SFXN4: variants seen among roughly 807,000 people sequenced by gnomAD.
SFXN4 encodes the protein sideroflexin-4.
SFXN4 carries 48 observed loss-of-function variants against 54.6 expected under a neutral mutation model. The observed-to-expected ratio is 0.88, with a 90% CI of 0.70 to 1.12. SFXN4 has a LOEUF of 1.12. SFXN4 is among the 50% of genes most tolerant of loss of function. The pLI is 0.00. For synonymous variants in SFXN4, 130 were observed against 145.5 expected (o/e 0.89, Z 0.77); for missense variants, 383 against 409.2 (o/e 0.94, Z 0.55).
chr10:119,156,310 C>T (rs1259914662), intron 10 of SFXN4, among the ~76,000 whole-genome samples: 3 of 152,180 alleles, frequency 2.0e-5, no homozygotes, highest in Non-Finnish European at 2.9e-5. Context: ...CACCTGTAAT[C>T]CCAGCTACTT....
chr10:119,162,274 G>A, intron 3 of SFXN4, 66 bp downstream of exon 3: 2 of 1,302,242 alleles, frequency 1.5e-6, no homozygotes, highest in Non-Finnish European at 2.2e-6. Context: ...AATTCCACCT[G>A]ACTTCAGACC....
chr10:119,141,270 G>A lies in SFXN4; in HGVS notation c.986C>T (p.Thr329Ile). The stretch of plus-strand genomic sequence containing the variant: ...CACCCCTCTGTGATAAAAGATTTCT[G>A]TTTCTTCTGTTGGAGACTGAATTTT... Reference protein sequence around the residue: ...EEKIQSPTEETEIFYHRGV With the variant: ...EEKIQSPTEEIEIFYHRGV The change falls in exon 14 of 14, where the codon ACA becomes ATA. Residue 329 changes from threonine to isoleucine, a missense_variant. Thr to Ile is a moderately conservative substitution (Grantham distance 89, BLOSUM62 -1). Transcript: ENST00000355697. 6.2e-7 allele frequency: 1 copy of A among 1,611,972 alleles called. No homozygotes were observed. The highest frequency in any genetic ancestry group is 8.5e-7 in the Non-Finnish European group (1 of 1,178,232).
In SFXN4 at chr10:119,157,208, C is replaced by G. The variant is rs140477512; in HGVS notation, c.538-452G>C. 6.5e-3 allele frequency among the ~76,000 whole-genome samples: 984 copies of G among 152,242 alleles called. 5 individuals carry two copies. Among genetic ancestry groups the G allele is most frequent in the Admixed American group, 0.011 (164 of 15,276 alleles). On this transcript the variant is annotated intron_variant, in intron 9 of 13. Coordinates refer to ENST00000355697, the MANE Select transcript of SFXN4 (RefSeq NM_213649.2). ...CTTTGGGAGGTCAAGGCGGGCAGTT[C>G]ACCTGAGGTCAGGAGTTTGAGATCA...
chr10:119,165,212 G>GA, intron 1 of SFXN4: 1 of 1,078,576 alleles, frequency 9.3e-7, no homozygotes, highest in Non-Finnish European at 1.1e-6. Flanking sequence ...CAAGGTGCGA[G>GA]AGCCTGTTTC....
intron 11 of SFXN4, among the ~76,000 whole-genome samples, chr10:119,152,912 C>G (rs578091235): frequency 7.2e-4 from 109 of 152,274 alleles, no homozygotes; most frequent in African/African-American, 2.3e-3. Context: ...CCCTTCACTT[C>G]ATATCAGGGC....
chr10:119,162,978 T>A (rs1847619037), intron 2 of SFXN4, among the ~76,000 whole-genome samples: 1 of 152,110 alleles, frequency 6.6e-6, no homozygotes, highest in Non-Finnish European at 1.5e-5. Context: ...TATTTTTATT[T>A]GTACAGATAG....
chr10:119,161,996 G>T (rs1022894816), intron 3 of SFXN4: 3 of 347,086 alleles, frequency 8.6e-6, no homozygotes, highest in Non-Finnish European at 1.6e-5. Context: ...GAATTCTGAC[G>T]TCAGAGCCCT....
chr10:119,165,655 T>C lies in SFXN4; in HGVS notation c.-8A>G. 1.3e-6 allele frequency: 2 copies of C among 1,556,468 alleles called. No individual in the cohort carries two copies. The highest frequency in any genetic ancestry group is 1.7e-6 in the Non-Finnish European group (2 of 1,156,648). On this transcript the variant is annotated 5_prime_UTR_variant, in exon 1 of 14. Coordinates refer to ENST00000355697, the MANE Select transcript of SFXN4 (RefSeq NM_213649.2). ...CTCCTGTTCCAGGGACATTTTGCGC[T>C]GGTTAGAGTGGCCGCCGCCGCCAGG...
intron 11 of SFXN4, among the ~76,000 whole-genome samples, chr10:119,154,155 G>A (rs2133599330): frequency 6.6e-6 from 1 of 151,094 alleles, no homozygotes; most frequent in Middle Eastern, 3.4e-3. Context: ...TCCAGCCTGG[G>A]TGACAGGGCA....
At chr10:119,161,427 C>A (rs3740559) in intron 3 of SFXN4, among the ~76,000 whole-genome samples, 55,692 of 115,480 alleles carry the variant, frequency 0.48, 11,789 homozygotes, top group South Asian at 0.56. Context: ...ACAACAACAA[C>A]AAAAAAAAAC....
At chr10:119,157,039 C>T (rs1245725942) in intron 9 of SFXN4, among the ~76,000 whole-genome samples, 2 of 152,130 alleles carry the variant, frequency 1.3e-5, no homozygotes, top group East Asian at 1.9e-4. Context: ...CCAACATCTC[C>T]CCATCTTTCA....
chr10:119,141,100 C>G lies in SFXN4; in HGVS notation c.*142G>C. On this transcript the variant is annotated 3_prime_UTR_variant, in exon 14 of 14. Coordinates refer to ENST00000355697, the MANE Select transcript of SFXN4 (RefSeq NM_213649.2). ...CCAGAGACGCCAGCCTGGGAACGAT[C>G]TCAGTATGGAATCTGAAGTCGCCTT... is the stretch of plus-strand genomic sequence containing the variant. 1 of 602,248 alleles carries G rather than the reference C, an allele frequency of 1.7e-6. No individual in the cohort carries two copies. 37.3% of individuals were successfully genotyped at this position (602,248 alleles called of 1,614,324 possible). A position where few individuals can be genotyped will look rare whatever the true frequency, so the allele number is the denominator to read the frequency against.
chr10:119,147,811 G>C lies in SFXN4; in HGVS notation c.782C>G (p.Ala261Gly). Residue 261 changes from alanine to glycine, a missense_variant, in exon 12 of 14, where the codon GCT becomes GGT. Physicochemically the swap from Ala to Gly is moderately conservative, Grantham distance 60. Transcript: ENST00000355697. ...ASRIVLFGTS[A>G]LIPEVFTYFF... ...GTAGGTGAAGACTTCAGGAATCAGAGCTGAGGTCCCAAACAGCACTATTCT... is the reference window on the plus strand; with the variant it reads ...GTAGGTGAAGACTTCAGGAATCAGACCTGAGGTCCCAAACAGCACTATTCT... 1 of 1,614,136 alleles carries C rather than the reference G, an allele frequency of 6.2e-7. No individual in the cohort carries two copies. Among genetic ancestry groups the C allele is most frequent in the Non-Finnish European group, 8.5e-7 (1 of 1,179,984 alleles).
rs151157939 is a variant in SFXN4, at chr10:119,155,117, G to A, written c.677C>T (p.Ala226Val). 1.1e-4 allele frequency: 176 copies of A among 1,613,938 alleles called. No individual in the cohort carries two copies. The highest frequency in any genetic ancestry group is 1.6e-4 in the Middle Eastern group (1 of 6,084). ...SRSLESIKGI[A>V]VMDKEGNVLG... The stretch of plus-strand genomic sequence containing the variant: ...GACATTGCCTTCCTTGTCCATGACC[G>A]CAATCCCCTTAATGGATTCAAGACT... Residue 226 changes from alanine (A) to valine (V), a missense_variant, in exon 11 of 14, where the codon GCG becomes GTG. Ala to Val is a moderately conservative substitution (Grantham distance 64). Transcript: ENST00000355697.
chr10:119,156,549 G>A (rs1189738888), intron 10 of SFXN4, 129 bp downstream of exon 10: 9 of 727,160 alleles, frequency 1.2e-5, no homozygotes, highest in African/African-American at 1.8e-5. Context: ...GGGGCCTGCC[G>A]GGCTGCAAAG....
chr10:119,156,297 G>A (rs891987586), intron 10 of SFXN4, among the ~76,000 whole-genome samples: 2 of 152,044 alleles, frequency 1.3e-5, no homozygotes. Context: ...ACATGGTGGC[G>A]CACACCTGTA....
At chr10:119,142,179 AAC>A (rs2133559955) in intron 13 of SFXN4, among the ~76,000 whole-genome samples, 1 of 152,242 alleles carries the variant, frequency 6.6e-6, no homozygotes, top group East Asian at 1.9e-4. Flanking sequence ...CAGCCTGGGC[AAC>A]AGAGTGAGAA....
Position 119,165,567 on chromosome 10 carries a change from G to T in SFXN4, c.81C>A (p.Pro27=). ...GCTCGGTGATCCAGAAGCGCACGTT[G>T]GGCTCAATGAAGGCGGGGACGGCGT... The part of the protein sequence containing the change: ...RRDAVPAFIE[P]NVRFWITERQ... The change falls in exon 1 of 14, where the codon CCC becomes CCA. Residue 27 remains proline (P), a synonymous_variant. Coordinates refer to ENST00000355697, the MANE Select transcript of SFXN4 (RefSeq NM_213649.2). The T allele has an allele frequency of 6.3e-7, 1 of 1,590,604 alleles. No individual in the cohort carries two copies.
In SFXN4 at chr10:119,161,064, C is replaced by A. The variant is rs1847510306; in HGVS notation, c.270G>T (p.Lys90Asn). The A allele has an allele frequency of 6.2e-7, 1 of 1,613,968 alleles. No homozygotes were observed. The highest frequency in any genetic ancestry group is 8.5e-7 in the Non-Finnish European group (1 of 1,179,982). Residue 90 changes from lysine to asparagine, a missense_variant, in exon 4 of 14, where the codon AAG (lysine) becomes AAT (asparagine). Physicochemically the swap from Lys to Asn is moderately conservative, Grantham distance 94 (BLOSUM62 0). Coordinates refer to ENST00000355697, the MANE Select transcript of SFXN4 (RefSeq NM_213649.2). ...AGGGGCTGAAACTTACAAGACTCCG[C>A]TTCCAAGCTTCTTGTATCTTAAAGG... The part of the protein sequence containing the change: ...SADQRIQEAW[K>N]RSLATVHPDS...
Sources: allele counts gnomAD v4.1 joint callset (sites outside exome capture counted in the v4.1 genomes callset), GRCh38; gene constraint gnomAD v4.1.1; transcripts MANE v1.5; gene names NCBI Gene and HGNC (gene_info 2026-07-23, HGNC 2026-07-21).